MAP4K5: variants seen among roughly 807,000 people sequenced by gnomAD.
The protein encoded by MAP4K5 is mitogen-activated protein kinase kinase kinase kinase 5.
In MAP4K5, 82 loss-of-function variants were observed where a neutral mutation model predicts 135.6. The ratio of observed to expected loss-of-function variants is 0.60; its 90% CI spans 0.51 to 0.73. The LOEUF (loss-of-function observed/expected upper bound fraction) is 0.73. Ranked by LOEUF, MAP4K5 falls within the 30% of genes least tolerant of loss-of-function variation. The probability of loss-of-function intolerance (pLI) is 0.00; values close to 1 mark genes in which losing one functional copy is unlikely to be tolerated. For missense variants in MAP4K5, 907 were observed against 1,010.9 expected, an observed-to-expected ratio of 0.90 and a Z score of 1.39; for synonymous variants, 347 against 335.0, an observed-to-expected ratio of 1.04 and a Z score of -0.39.
chr14:50,446,248 G>A, intron 16 of MAP4K5, 127 bp from the exon 17 acceptor site: 1 of 562,132 alleles, frequency 1.8e-6, no homozygotes. Flanking sequence ...ACGATGCAGA[G>A]TATAAAATCT....
chr14:50,425,947 C>T lies in MAP4K5; in HGVS notation c.2357G>A (p.Trp786Ter). 6.2e-7 allele frequency: 1 copy of T among 1,612,484 alleles called. No homozygotes were observed. Among genetic ancestry groups the T allele is most frequent in the Non-Finnish European group, 8.5e-7 (1 of 1,179,028 alleles). The change falls in exon 31 of 33, where the codon TGG becomes TAG. Residue 786 changes from tryptophan (W) to a stop codon, truncating the protein, a stop_gained. Coordinates refer to ENST00000682126, the MANE Select transcript of MAP4K5 (RefSeq NM_006575.6). LOFTEE classifies it high-confidence loss of function. ...GCTTTTACCCTGCATCCCATGTTTC[C>T]AGAAAGCCAACACACTGTCTTGAAG... ...VCLQDSVLAFWKHGMQGKSFK... is the reference protein window; with the variant it reads ...VCLQDSVLAF
At chr14:50,482,163 T>G (rs2037257524) in intron 6 of MAP4K5, among the ~76,000 whole-genome samples, 198 bp downstream of exon 6, 1 of 152,238 alleles carries the variant, frequency 6.6e-6, no homozygotes, top group Non-Finnish European at 1.5e-5. Flanking sequence ...TGAATTCATG[T>G]GATTCATTCA....
chr14:50,547,569 T>C (rs960150576), intron 1 of MAP4K5, among the ~76,000 whole-genome samples: 2 of 152,172 alleles, frequency 1.3e-5, no homozygotes. Flanking sequence ...GATTCTGAGA[T>C]CACCCAAACA....
At position 50,418,814 on chromosome 14, in the gene MAP4K5, G is replaced by T. The variant is rs1053774867; in HGVS notation, c.*1205C>A. 1.3e-5 allele frequency: 2 copies of T among 152,110 alleles called. No homozygotes were observed. The highest frequency in any genetic ancestry group is 1.5e-5 in the Non-Finnish European group (1 of 68,000). The allele number at this position is 152,110 out of a possible 1,614,324, so 9.4% of individuals were successfully genotyped here. On this transcript the variant is annotated 3_prime_UTR_variant, in exon 33 of 33. Coordinates refer to ENST00000682126, the MANE Select transcript of MAP4K5 (RefSeq NM_006575.6). ...CATCTCAATGCTGTTCTCAATAAAT[G>T]CATTAAGACAACAGGTACCAATGTA...
Position 50,434,243 on chromosome 14 carries a change from T to C in MAP4K5, c.2164+151A>G, listed in dbSNP as rs1566637196. 6.7e-6 allele frequency: 4 copies of C among 593,956 alleles called. No individual in the cohort carries two copies. In the South Asian group the frequency reaches 7.5e-5, roughly 11 times the overall value. 36.8% of individuals were successfully genotyped at this position (593,956 alleles called of 1,614,324 possible). ...CTCTGGCAAATAGAGATCATAAATA[T>C]ACGTACACGGTTCTATGGGCTTACT... On this transcript the variant is annotated intron_variant, in intron 28 of 32. Transcript: ENST00000682126.
chr14:50,446,344 T>A (rs543028613), intron 16 of MAP4K5, among the ~76,000 whole-genome samples: 127 of 152,324 alleles, frequency 8.3e-4, no homozygotes, highest in South Asian at 1.7e-3. Flanking sequence ...AAGTCTTATT[T>A]TACTTTTATG....
intron 2 of MAP4K5, among the ~76,000 whole-genome samples, chr14:50,513,813 A>G (rs550992043): frequency 1.3e-5 from 2 of 152,324 alleles, no homozygotes; most frequent in South Asian, 2.1e-4. Context: ...ATTCTATAAC[A>G]TAACATCAGA....
At chr14:50,506,403 G>A (rs1233374388) in intron 2 of MAP4K5, among the ~76,000 whole-genome samples, 3 of 152,176 alleles carry the variant, frequency 2.0e-5, no homozygotes, top group African/African-American at 4.8e-5. Context: ...CTGTCACCCA[G>A]GATGGAGTGC....
chr14:50,489,558 T>C lies in MAP4K5; in HGVS notation c.167-3364A>G, dbSNP rs377695037. On this transcript the variant is annotated intron_variant, in intron 3 of 32. Coordinates refer to ENST00000682126, the MANE Select transcript of MAP4K5 (RefSeq NM_006575.6). ...ATCTTCTCTTAAAAACCAATTTTTCTTCCTGACTTTACAGTTTGTGTTAAT... is the reference window on the plus strand; with the variant it reads ...ATCTTCTCTTAAAAACCAATTTTTCCTCCTGACTTTACAGTTTGTGTTAAT... 2.9e-4 allele frequency among the ~76,000 whole-genome samples: 44 copies of C among 152,312 alleles called. 2 individuals are homozygous for C. In the South Asian group the frequency reaches 9.1e-3, roughly 32 times the overall value.
At chr14:50,445,835 G>A (rs2036334680) in intron 17 of MAP4K5, among the ~76,000 whole-genome samples, 1 of 152,138 alleles carries the variant, frequency 6.6e-6, no homozygotes, top group Admixed American at 6.5e-5. Flanking sequence ...CCGAAGTGCT[G>A]GGATTATATG....
chr14:50,527,303 G>A (rs1312634101), intron 2 of MAP4K5, among the ~76,000 whole-genome samples: 2 of 151,450 alleles, frequency 1.3e-5, no homozygotes, highest in South Asian at 4.2e-4. Flanking sequence ...TTGCGCCACC[G>A]CACTCCAGCC....
chr14:50,513,902 C>T (rs1035065323), intron 2 of MAP4K5, among the ~76,000 whole-genome samples: 1 of 152,082 alleles, frequency 6.6e-6, no homozygotes, highest in Non-Finnish European at 1.5e-5. Flanking sequence ...ATTATGTATT[C>T]CAGATTTAAG....
chr14:50,478,970 C>T (rs1458561019), intron 6 of MAP4K5, among the ~76,000 whole-genome samples: 1 of 150,538 alleles, frequency 6.6e-6, no homozygotes, highest in African/African-American at 2.4e-5. Context: ...ATCAAATAAG[C>T]AATTTGATTC....
At chr14:50,439,728 G>A (rs2036182550) in intron 23 of MAP4K5, among the ~76,000 whole-genome samples, 3 of 152,136 alleles carry the variant, frequency 2.0e-5, no homozygotes, top group Admixed American at 2.0e-4. Flanking sequence ...GACAGTGATA[G>A]TGGAGGAGGC....
chr14:50,423,752 G>C (rs1363858564), intron 31 of MAP4K5, among the ~76,000 whole-genome samples: 1 of 152,184 alleles, frequency 6.6e-6, no homozygotes, highest in Non-Finnish European at 1.5e-5. Context: ...TTGGGCAACA[G>C]AGCAAGACCC....
At chr14:50,550,204 C>T (rs1165964623) in intron 1 of MAP4K5, among the ~76,000 whole-genome samples, 1 of 152,212 alleles carries the variant, frequency 6.6e-6, no homozygotes, top group Non-Finnish European at 1.5e-5. Flanking sequence ...GGAAGCTTAC[C>T]AATTGGCTAC....
chr14:50,513,296 C>T (rs2037967253), intron 2 of MAP4K5, among the ~76,000 whole-genome samples: 1 of 152,124 alleles, frequency 6.6e-6, no homozygotes, highest in South Asian at 2.1e-4. Flanking sequence ...AGTCTTCAAT[C>T]TTACTAATAG....
chr14:50,528,077 A>T (rs1348538004), intron 2 of MAP4K5, among the ~76,000 whole-genome samples: 1 of 152,170 alleles, frequency 6.6e-6, no homozygotes, highest in Non-Finnish European at 1.5e-5. Flanking sequence ...TACAGTAATT[A>T]CAAATAAAAG....
rs192754337 is a variant in MAP4K5 at position 50,541,963 on chromosome 14, C to T, written c.-94+536G>A. Among the ~76,000 whole-genome samples, 350 of 123,786 alleles carry T rather than the reference C, an allele frequency of 2.8e-3. 2 individuals carry two copies. The highest frequency in any genetic ancestry group is 0.01 in the African/African-American group (328 of 31,278). The allele number at this position is 123,786 out of a possible 152,430, so 81.2% of individuals were successfully genotyped here. On this transcript the variant is annotated intron_variant, in intron 2 of 8. Coordinates refer to the MAP4K5 transcript ENST00000555216. Reference sequence around the variant, plus strand: ...CAGAGCTTGTAGTGAGCCGAGATCGCGCCACTGCACTCCAGCCTGGGCGAC... The same window carrying T: ...CAGAGCTTGTAGTGAGCCGAGATCGTGCCACTGCACTCCAGCCTGGGCGAC...
Sources: allele counts gnomAD v4.1 joint callset (sites outside exome capture counted in the v4.1 genomes callset), GRCh38; gene constraint gnomAD v4.1.1; transcripts MANE v1.5; gene names NCBI Gene and HGNC (gene_info 2026-07-23, HGNC 2026-07-21).